UBE2B: variants seen among roughly 807,000 people sequenced by gnomAD.
The protein encoded by UBE2B is ubiquitin-conjugating enzyme E2 B.
In UBE2B, 11 loss-of-function variants were observed where a neutral mutation model predicts 24.6. That is an observed-to-expected ratio of 0.45 (90% CI 0.28 to 0.74). The LOEUF (loss-of-function observed/expected upper bound fraction) is 0.74, where lower values mean the gene tolerates loss of function less well. UBE2B is among the 30% of genes least tolerant of loss of function. UBE2B has a pLI of 0.13. For missense variants in UBE2B, 78 were observed against 185.6 expected, an observed-to-expected ratio of 0.42 and a Z score of 3.37; for synonymous variants, 68 against 62.4, an observed-to-expected ratio of 1.09 and a Z score of -0.42.
intron 3 of UBE2B, among the ~76,000 whole-genome samples, chr5:134,378,574 CT>C (rs1229328988): frequency 2.0e-5 from 3 of 152,094 alleles, no homozygotes; most frequent in African/African-American, 7.2e-5. Context: ...TTTTAATATT[CT>C]GTATGATATG....
chr5:134,374,661 C>G, intron 2 of UBE2B, 198 bp downstream of exon 2: 1 of 572,532 alleles, frequency 1.7e-6, no homozygotes, highest in East Asian at 3.3e-5. Flanking sequence ...CTGGGAGGAT[C>G]GCTGGAGCCC....
chr5:134,385,044 T>C (rs1038879193), intron 4 of UBE2B, among the ~76,000 whole-genome samples: 3 of 152,268 alleles, frequency 2.0e-5, no homozygotes, highest in Non-Finnish European at 2.9e-5. Flanking sequence ...TCATTTTTTA[T>C]TGTTGAATAA....
intron 4 of UBE2B, among the ~76,000 whole-genome samples, chr5:134,385,969 C>T (rs1305430912): frequency 1.3e-5 from 2 of 150,740 alleles, no homozygotes; most frequent in African/African-American, 4.9e-5. Context: ...GCCGAGATCA[C>T]GCCACTGCAC....
At position 134,376,336 on chromosome 5, in the gene UBE2B, A is replaced by ATATATATATATAT. The variant is rs1412262320; in HGVS notation, c.126-333_126-332insTATATATATATAT. Among the ~76,000 whole-genome samples, 14 of 4,114 alleles carry ATATATATATATAT rather than the reference A, an allele frequency of 3.4e-3. 1 individual carries two copies. Among genetic ancestry groups the ATATATATATATAT allele is most frequent in the Admixed American group, 0.015 (3 of 198 alleles). The allele number at this position is 4,114 out of a possible 152,430, so 2.7% of individuals were successfully genotyped here. On this transcript the variant is annotated intron_variant, in intron 2 of 5. Coordinates refer to ENST00000265339, the MANE Select transcript of UBE2B (RefSeq NM_003337.4). ...AAACTCCGTCTCAAAAAAAAAAAAA[A>ATATATATATATAT]AAAAAAAAAAAAATATATATATATA...
intron 5 of UBE2B, among the ~76,000 whole-genome samples, chr5:134,389,567 AG>A (rs1758865065): frequency 8.5e-6 from 1 of 118,274 alleles, no homozygotes; most frequent in Admixed American, 9.2e-5. Context: ...TTTTTTTTTG[AG>A]ACGGAATTTC....
chr5:134,390,723 G>T lies in UBE2B; in HGVS notation c.*370G>T. 3.9e-6 allele frequency: 1 copy of T among 254,958 alleles called. No homozygotes were observed. Among genetic ancestry groups the T allele is most frequent in the African/African-American group, 2.3e-5 (1 of 43,162 alleles). The allele number at this position is 254,958 out of a possible 1,614,324, so 15.8% of individuals were successfully genotyped here. On this transcript the variant is annotated 3_prime_UTR_variant, in exon 6 of 6. Transcript: ENST00000265339. The surrounding 1 kb of genome is among the most constrained non-coding windows in gnomAD (Gnocchi z 4.6). ...TTTAAATTGGAGAAAAGCACTTAAA[G>T]TTTTTTATATATGAATATTACATGT...
At chr5:134,380,128 TC>T (rs1758685254) in intron 3 of UBE2B, among the ~76,000 whole-genome samples, 1 of 152,174 alleles carries the variant, frequency 6.6e-6, no homozygotes, top group Admixed American at 6.5e-5. Context: ...GCCAGGCTAG[TC>T]TCAACTCCTG....
chr5:134,380,928 C>G lies in UBE2B; in HGVS notation c.241+120C>G, dbSNP rs537664177. ...TCACTTGTAGGTGTTGCTTCCATGTCCATGTGAGCCACGTATTTTGTTGTG... is the reference window on the plus strand; with the variant it reads ...TCACTTGTAGGTGTTGCTTCCATGTGCATGTGAGCCACGTATTTTGTTGTG... On this transcript the variant is annotated intron_variant, in intron 4 of 5. Coordinates refer to ENST00000265339, the MANE Select transcript of UBE2B (RefSeq NM_003337.4). 9.6e-4 allele frequency: 541 copies of G among 561,690 alleles called. 6 individuals are homozygous for G. Among genetic ancestry groups the G allele is most frequent in the South Asian group, 6.7e-3 (345 of 51,160 alleles). The allele number at this position is 561,690 out of a possible 1,614,324, so 34.8% of individuals were successfully genotyped here.
chr5:134,386,537 C>T (rs569557608), intron 4 of UBE2B, among the ~76,000 whole-genome samples: 49 of 151,790 alleles, frequency 3.2e-4, no homozygotes, highest in African/African-American at 1.2e-3. Flanking sequence ...GAGGCTGAGG[C>T]AGCAGAATCC....
intron 4 of UBE2B, among the ~76,000 whole-genome samples, chr5:134,382,544 A>C (rs1036892358): frequency 3.3e-5 from 5 of 151,760 alleles, no homozygotes; most frequent in African/African-American, 9.7e-5. Flanking sequence ...AAGGCTGAGG[A>C]GGGTGGATTG....
intron 2 of UBE2B, among the ~76,000 whole-genome samples, chr5:134,376,340 A>C (rs1286232468): frequency 1.7e-4 from 1 of 5,922 alleles, no homozygotes; most frequent in Non-Finnish European, 5.1e-4. Flanking sequence ...AAAAAAAAAA[A>C]AAAAAAAAAT....
rs1381737262 is a variant in UBE2B, at chr5:134,376,339, AAAAAAAAAAATAT to A, written c.126-328_126-316del. On this transcript the variant is annotated intron_variant, in intron 2 of 5. Transcript: ENST00000265339. ...CTCCGTCTCAAAAAAAAAAAAAAAA[AAAAAAAAAAATAT>A]ATATATATATATACACATATGTACA... Among the ~76,000 whole-genome samples, 158 of 76,160 alleles carry A rather than the reference AAAAAAAAAAATAT, an allele frequency of 2.1e-3. 18 individuals are homozygous for A. The highest frequency in any genetic ancestry group is 7.2e-3 in the African/African-American group (147 of 20,406). 50.0% of individuals were successfully genotyped at this position (76,160 alleles called of 152,430 possible).
chr5:134,390,140 C>T lies in UBE2B; in HGVS notation c.331-85C>T. ...TGAAGTAATTTGTTGTTTTGTATAA[C>T]TTTTCTGTAATATATTCCATATCTG... On this transcript the variant is annotated intron_variant, in intron 5 of 5. Coordinates refer to ENST00000265339, the MANE Select transcript of UBE2B (RefSeq NM_003337.4). The surrounding 1 kb of genome is among the most constrained non-coding windows in gnomAD (Gnocchi z 4.6). 1.9e-6 allele frequency: 3 copies of T among 1,546,654 alleles called. No homozygotes were observed. The highest frequency in any genetic ancestry group is 2.7e-6 in the Non-Finnish European group (3 of 1,129,720).
rs1452173218 is a variant in UBE2B at position 134,371,593 on chromosome 5, A to G, written c.-3A>G. The G allele has an allele frequency of 3.1e-6, 5 of 1,610,724 alleles. No homozygotes were observed. The highest frequency in any genetic ancestry group is 4.2e-6 in the Non-Finnish European group (5 of 1,179,392). ...CAGACTGACCGCGGGGCAGCTGCGG[A>G]GCATGTCGACCCCGGCCCGGAGGAG... On this transcript the variant is annotated 5_prime_UTR_variant, in exon 1 of 6. Coordinates refer to ENST00000265339, the MANE Select transcript of UBE2B (RefSeq NM_003337.4).
chr5:134,376,364 T>TATATATATATATATATACAC (rs70976528), intron 2 of UBE2B, among the ~76,000 whole-genome samples: 2 of 79,502 alleles, frequency 2.5e-5, no homozygotes, highest in Non-Finnish European at 4.7e-5. Context: ...TATATATATA[T>TATATATATATATATATACAC]ACACATATGT....
intron 4 of UBE2B, among the ~76,000 whole-genome samples, chr5:134,387,669 A>G (rs1758829168): frequency 6.6e-6 from 1 of 152,258 alleles, no homozygotes; most frequent in Non-Finnish European, 1.5e-5. Flanking sequence ...CACACAAGAC[A>G]TAAGAAAAGG....
rs768551012 is a variant in UBE2B, at chr5:134,376,709, T to C, written c.151+15T>C. ...TTTTGAAGATGGTAAGTCATACTCATTATGTTTTCTATAGTGTTATGAGGT... is the reference window on the plus strand; with the variant it reads ...TTTTGAAGATGGTAAGTCATACTCACTATGTTTTCTATAGTGTTATGAGGT... On this transcript the variant is annotated intron_variant, in intron 3 of 5. Transcript: ENST00000265339. 5.0e-6 allele frequency: 8 copies of C among 1,608,860 alleles called. No individual in the cohort carries two copies. In the African/African-American group the frequency reaches 9.4e-5, roughly 19 times the overall value.
Position 134,390,052 on chromosome 5 carries a change from A to G in UBE2B, c.331-173A>G, listed in dbSNP as rs549054700. 293 of 719,958 alleles carry G rather than the reference A, an allele frequency of 4.1e-4. 2 individuals are homozygous for G. The highest frequency in any genetic ancestry group is 2.1e-3 in the South Asian group (126 of 60,650). 44.6% of individuals were successfully genotyped at this position (719,958 alleles called of 1,614,324 possible). ...AAGTTCCTTAGCAGCAGGAAACCCC[A>G]TAGTATTTATCAAATCATTTCTAAA... On this transcript the variant is annotated intron_variant, in intron 5 of 5. Transcript: ENST00000265339. The surrounding 1 kb of genome is among the most constrained non-coding windows in gnomAD (Gnocchi z 4.6).
At chr5:134,377,339 A>G (rs1287872628) in intron 3 of UBE2B, among the ~76,000 whole-genome samples, 1 of 152,242 alleles carries the variant, frequency 6.6e-6, no homozygotes, top group Non-Finnish European at 1.5e-5. Flanking sequence ...GAATTAATCC[A>G]TCAAAAATAT....
Sources: allele counts gnomAD v4.1 joint callset (sites outside exome capture counted in the v4.1 genomes callset), GRCh38; gene constraint gnomAD v4.1.1; non-coding constraint Gnocchi (gnomAD v3.1); transcripts MANE v1.5; gene names NCBI Gene and HGNC (gene_info 2026-07-23, HGNC 2026-07-21).